Variants in CDH5 observed in about 807,000 individuals in gnomAD.
The protein encoded by CDH5 is cadherin 5, also known as cadherin-5.
Under a neutral mutation model 62.0 loss-of-function variants are expected in CDH5, and 28 were observed. The observed-to-expected ratio is 0.45, with a 90% CI of 0.33 to 0.62. The LOEUF is 0.62. Ranked by LOEUF, CDH5 falls within the 20% of genes least tolerant of loss-of-function variation. The pLI, the probability that CDH5 is intolerant of heterozygous loss-of-function variation, is 0.02. For synonymous variants in CDH5, 464 were observed against 445.8 expected (o/e 1.04, Z -0.52); for missense variants, 940 against 1,065.1 (o/e 0.88, Z 1.63).
chr16:66,389,555 G>T (rs1324978624), intron 5 of CDH5, 33 bp downstream of exon 5: 2 of 1,508,952 alleles, frequency 1.3e-6, no homozygotes, highest in Non-Finnish European at 1.8e-6. Context: ...TGGGAAGGGG[G>T]GCTGGGATAC....
At position 66,379,371 on chromosome 16, in the gene CDH5, G is replaced by T; in HGVS notation, c.34G>T (p.Gly12Cys). ...QRLMMLLATS[G>C]ACLGLLAVAA... The stretch of plus-strand genomic sequence containing the variant: ...GCTCATGATGCTCCTCGCCACATCG[G>T]GCGCCTGCCTGGGCCTGCTGGCAGT... Residue 12 changes from glycine (G) to cysteine (C), a missense_variant, in exon 2 of 12, where the codon GGC becomes TGC. Transcript: ENST00000341529. 1 of 1,613,202 alleles carries T rather than the reference G, an allele frequency of 6.2e-7. No homozygotes were observed. Among genetic ancestry groups the T allele is most frequent in the Non-Finnish European group, 8.5e-7 (1 of 1,179,570 alleles).
At position 66,395,992 on chromosome 16, in the gene CDH5, A is replaced by G. The variant is rs1961177510; in HGVS notation, c.1218-67A>G. ...GGACAGATGCAGAAGGGCCTTGTCCATCATGCTGAGGAGTGTAGACTCAGC... is the reference window on the plus strand; with the variant it reads ...GGACAGATGCAGAAGGGCCTTGTCCGTCATGCTGAGGAGTGTAGACTCAGC... On this transcript the variant is annotated intron_variant, in intron 7 of 11. Coordinates refer to ENST00000341529, the MANE Select transcript of CDH5 (RefSeq NM_001795.5). 11 of 1,528,176 alleles carry G rather than the reference A, an allele frequency of 7.2e-6. No individual in the cohort carries two copies. In the Admixed American group the frequency reaches 1.9e-4, roughly 27 times the overall value. The allele number at this position is 1,528,176 out of a possible 1,614,324, so 94.7% of individuals were successfully genotyped here. A position where few individuals can be genotyped will look rare whatever the true frequency, so the allele number is the denominator to read the frequency against.
At position 66,395,018 on chromosome 16, in the gene CDH5, C is replaced by CT. The variant is rs1174519256; in HGVS notation, c.1218-996dup. ...GCACACACCACCACACCAGGCTAAT[C>CT]TTTTTTTTTTTTTTTTTTTTTTTTT... is the stretch of plus-strand genomic sequence containing the variant. On this transcript the variant is annotated intron_variant, in intron 7 of 11. Transcript: ENST00000341529. Among the ~76,000 whole-genome samples, 22 of 13,804 alleles carry CT rather than the reference C, an allele frequency of 1.6e-3. 7 individuals carry two copies. The highest frequency in any genetic ancestry group is 2.0e-3 in the African/African-American group (9 of 4,534). The allele number at this position is 13,804 out of a possible 152,430, so 9.1% of individuals were successfully genotyped here.
rs997374352 is a variant in CDH5, at chr16:66,390,383, G to T, written c.782-20G>T. 1 of 1,597,924 alleles carries T rather than the reference G, an allele frequency of 6.3e-7. No individual in the cohort carries two copies. The highest frequency in any genetic ancestry group is 1.7e-5 in the Admixed American group (1 of 58,830). Reference sequence around the variant, plus strand: ...TATCTCATTAACCCAAAGCCCTTTGGGGTGCTCTGTTTGCATCAGCCAAGT... The same window carrying T: ...TATCTCATTAACCCAAAGCCCTTTGTGGTGCTCTGTTTGCATCAGCCAAGT... On this transcript the variant is annotated intron_variant, in intron 5 of 11. Coordinates refer to ENST00000341529, the MANE Select transcript of CDH5 (RefSeq NM_001795.5).
intron 7 of CDH5, chr16:66,395,508 T>TC (rs1339110153): frequency 1.4e-5 from 2 of 144,038 alleles, no homozygotes; most frequent in African/African-American, 5.0e-5. Flanking sequence ...CTTTTCTTTT[T>TC]TTTTTTTTTT....
At chr16:66,372,358 G>A (rs1370806822) in intron 1 of CDH5, among the ~76,000 whole-genome samples, 3 of 152,244 alleles carry the variant, frequency 2.0e-5, no homozygotes, top group African/African-American at 4.8e-5. Context: ...CAGGACTCTA[G>A]AGAGAGCTTC....
At chr16:66,395,908 C>A in intron 7 of CDH5, 151 bp from the exon 8 acceptor site, 1 of 708,662 alleles carries the variant, frequency 1.4e-6, no homozygotes, top group Non-Finnish European at 2.3e-6. Context: ...TAGGTCCACT[C>A]TTGTCTGAGT....
intron 2 of CDH5, among the ~76,000 whole-genome samples, chr16:66,382,014 T>C (rs772027508): frequency 4.6e-5 from 7 of 152,146 alleles, no homozygotes; most frequent in Non-Finnish European, 1.0e-4. Flanking sequence ...AGAAACAGGC[T>C]GGAGAGGAAC....
At chr16:66,373,407 A>ATTT (rs34814895) in intron 1 of CDH5, among the ~76,000 whole-genome samples, 17 of 133,748 alleles carry the variant, frequency 1.3e-4, no homozygotes, top group African/African-American at 4.0e-4. Flanking sequence ...TGGTTAGCCA[A>ATTT]TTTTTTTTTT....
chr16:66,387,165 G>A, intron 3 of CDH5, 68 bp downstream of exon 3: 1 of 1,456,132 alleles, frequency 6.9e-7, no homozygotes, highest in Non-Finnish European at 9.4e-7. Flanking sequence ...TCTCACATCA[G>A]CCACTTCACT....
intron 3 of CDH5, 52 bp from the exon 4 acceptor site, chr16:66,388,272 G>A: frequency 1.8e-6 from 2 of 1,134,902 alleles, no homozygotes; most frequent in Non-Finnish European, 2.7e-6. Context: ...CAGGAATGGG[G>A]TAAGGGGCCT....
chr16:66,379,429 C>A lies in CDH5; in HGVS notation c.92C>A (p.Ala31Asp). 6.2e-7 allele frequency: 1 copy of A among 1,614,218 alleles called. No individual in the cohort carries two copies. ...AAVAAAGANP[A>D]QRDTHSLLPT... is the part of the protein sequence containing the mutation. ...GTGGCAGCAGCAGGTGCTAACCCTGCCCAACGGGACACCCACAGCCTGCTG... is the reference window on the plus strand; with the variant it reads ...GTGGCAGCAGCAGGTGCTAACCCTGACCAACGGGACACCCACAGCCTGCTG... Residue 31 changes from alanine to aspartate, a missense_variant, in exon 2 of 12, where the codon GCC (alanine) becomes GAC (aspartate). Ala to Asp is a moderately radical substitution (Grantham distance 126, BLOSUM62 -2). Coordinates refer to ENST00000341529, the MANE Select transcript of CDH5 (RefSeq NM_001795.5).
In CDH5 at chr16:66,374,779, CTT is replaced by C. The variant is rs1037042249; in HGVS notation, c.-19-4538_-19-4537del. ...GACCGTCTTCACCCTGAAATTTTCT[CTT>C]TGTTTAATTTTATTTATTTATTTTT... On this transcript the variant is annotated intron_variant, in intron 1 of 11. Transcript: ENST00000341529. Among the ~76,000 whole-genome samples the C allele has an allele frequency of 9.4e-5, 14 of 148,974 alleles. No homozygotes were observed. The East Asian group carries it at 1.2e-3, about 13-fold the overall frequency.
At chr16:66,381,387 T>C (rs1206942352) in intron 2 of CDH5, among the ~76,000 whole-genome samples, 1 of 152,202 alleles carries the variant, frequency 6.6e-6, no homozygotes, top group Non-Finnish European at 1.5e-5. Flanking sequence ...GACTGCTGAA[T>C]TGCCTTACCA....
At chr16:66,370,334 T>C (rs1960664062) in intron 1 of CDH5, among the ~76,000 whole-genome samples, 1 of 152,080 alleles carries the variant, frequency 6.6e-6, no homozygotes, top group Non-Finnish European at 1.5e-5. Flanking sequence ...TTGTTGTCAG[T>C]AAAGGATCAA....
Position 66,392,336 on chromosome 16 carries a change from T to C in CDH5, c.1170T>C (p.Ile390=). 1 of 1,614,168 alleles carries C rather than the reference T, an allele frequency of 6.2e-7. No individual in the cohort carries two copies. Among genetic ancestry groups the C allele is most frequent in the Non-Finnish European group, 8.5e-7 (1 of 1,180,036 alleles). ...AGGAAAACCAGAAGAAGCCTCTGAT[T>C]GGCACAGTGCTGGCCATGGACCCTG... The part of the protein sequence containing the change: ...QLKENQKKPL[I]GTVLAMDPDA... The change falls in exon 7 of 12, where the codon ATT becomes ATC. Residue 390 remains isoleucine, a synonymous_variant. Coordinates refer to ENST00000341529, the MANE Select transcript of CDH5 (RefSeq NM_001795.5).
intron 10 of CDH5, 142 bp from the exon 11 acceptor site, chr16:66,400,629 C>T (rs1567468963): frequency 1.1e-6 from 1 of 920,260 alleles, no homozygotes; most frequent in East Asian, 2.5e-5. Flanking sequence ...ATGGCTGAAA[C>T]AAGAGGCGCT....
At chr16:66,379,647 T>A in intron 2 of CDH5, 100 bp downstream of exon 2, 5 of 1,004,224 alleles carry the variant, frequency 5.0e-6, no homozygotes, top group African/African-American at 1.6e-5. Flanking sequence ...GTAATAGATA[T>A]TGTGGTGGTT....
At position 66,382,029 on chromosome 16, in the gene CDH5, G is replaced by C. The variant is rs1448964504; in HGVS notation, c.210+2482G>C. On this transcript the variant is annotated intron_variant, in intron 2 of 11. Transcript: ENST00000341529. ...AGAAACAGGCTGGAGAGGAACTTTT[G>C]ATGGGAAGGCCCAGTCTGGCCATGG... Among the ~76,000 whole-genome samples the C allele has an allele frequency of 5.3e-5, 8 of 152,248 alleles. 1 individual carries two copies. The highest frequency in any genetic ancestry group is 1.2e-4 in the Non-Finnish European group (8 of 68,054).
Sources: gnomAD v4.1 joint callset for allele counts (sites outside exome capture counted in the v4.1 genomes callset) on GRCh38, gnomAD v4.1.1 for gene constraint, MANE v1.5 for transcripts, NCBI Gene and HGNC (gene_info 2026-07-23, HGNC 2026-07-21) for gene names.